The following CDH1 variants were observed in gnomAD, a reference collection of about 807,000 sequenced individuals.
The protein encoded by CDH1 is cadherin 1.
CDH1 carries 35 observed loss-of-function variants against 84.5 expected under a neutral mutation model. The observed-to-expected ratio is 0.41, with a 90% CI of 0.32 to 0.55. The LOEUF is 0.55. Ranked by LOEUF, CDH1 falls within the 20% of genes least tolerant of loss-of-function variation. The probability of loss-of-function intolerance (pLI) is 0.19; values close to 1 mark genes in which losing one functional copy is unlikely to be tolerated. For synonymous variants in CDH1, 417 were observed against 439.0 expected, an observed-to-expected ratio of 0.95 and a Z score of 0.63; for missense variants, 994 against 1,126.6, an observed-to-expected ratio of 0.88 and a Z score of 1.68.
intron 2 of CDH1, among the ~76,000 whole-genome samples, chr16:68,765,963 C>G (rs1959368368): frequency 6.6e-6 from 1 of 152,064 alleles, no homozygotes; most frequent in Admixed American, 6.5e-5. Context: ...ATCACCCCTA[C>G]TATAATTTTA....
At chr16:68,776,317 G>A (rs181891591) in intron 2 of CDH1, among the ~76,000 whole-genome samples, 39 of 152,274 alleles carry the variant, frequency 2.6e-4, no homozygotes, top group Non-Finnish European at 3.5e-4. Flanking sequence ...GTAGTAGCAG[G>A]TAACAAGCAT....
chr16:68,750,658 G>C (rs1452819040), intron 2 of CDH1, among the ~76,000 whole-genome samples: 2 of 151,050 alleles, frequency 1.3e-5, no homozygotes, highest in Non-Finnish European at 2.9e-5. Context: ...AAGAGCACCT[G>C]ATTCTGTGGT....
At chr16:68,774,559 G>A (rs989077979) in intron 2 of CDH1, among the ~76,000 whole-genome samples, 3 of 152,048 alleles carry the variant, frequency 2.0e-5, no homozygotes, top group Non-Finnish European at 2.9e-5. Context: ...GTACAGCCTG[G>A]ACCCTTTGCA....
chr16:68,783,386 CT>C (rs1959937737), intron 2 of CDH1, among the ~76,000 whole-genome samples: 1 of 120,466 alleles, frequency 8.3e-6, no homozygotes, highest in Admixed American at 9.2e-5. Context: ...GACAGAGTAT[CT>C]CAAAAAAAAA....
intron 2 of CDH1, among the ~76,000 whole-genome samples, chr16:68,801,172 C>T (rs573404987): frequency 3.3e-5 from 5 of 152,210 alleles, no homozygotes; most frequent in East Asian, 1.9e-4. Flanking sequence ...AGTGCAGTGG[C>T]GCAATCTCAG....
chr16:68,766,518 T>C (rs566010801), intron 2 of CDH1, among the ~76,000 whole-genome samples: 56 of 152,282 alleles, frequency 3.7e-4, no homozygotes, highest in African/African-American at 1.3e-3. Context: ...TAGAACCTAC[T>C]TCATAAGGTT....
At chr16:68,784,116 C>T (rs1347641522) in intron 2 of CDH1, among the ~76,000 whole-genome samples, 2 of 152,116 alleles carry the variant, frequency 1.3e-5, no homozygotes, top group Non-Finnish European at 2.9e-5. Context: ...TGCCCTGATG[C>T]AATGTGTGAG....
chr16:68,806,682 T>C lies in CDH1; in HGVS notation c.388-1742T>C, dbSNP rs1960670295. ...AGATAGGTTCTAATATTATCCCCAT[T>C]TCAGACATTAGGAAGCTGTAATACA... is the stretch of plus-strand genomic sequence containing the variant. On this transcript the variant is annotated intron_variant, in intron 3 of 15. Transcript: ENST00000261769. 3.3e-5 allele frequency among the ~76,000 whole-genome samples: 5 copies of C among 152,144 alleles called. 1 individual carries two copies. The South Asian group carries it at 1.0e-3, about 32-fold the overall frequency.
At chr16:68,738,258 C>T (rs1962452511) in intron 1 of CDH1, 39 bp from the exon 2 acceptor site, 1 of 1,344,936 alleles carries the variant, frequency 7.4e-7, no homozygotes, top group African/African-American at 1.4e-5. Context: ...AGGGAACCCT[C>T]CGAGTCACCC....
At chr16:68,780,954 G>T (rs557169167) in intron 2 of CDH1, among the ~76,000 whole-genome samples, 2 of 152,226 alleles carry the variant, frequency 1.3e-5, no homozygotes, top group African/African-American at 4.8e-5. Context: ...GCTCAATGCG[G>T]CTACTGTGTA....
At chr16:68,776,276 C>T (rs1050692625) in intron 2 of CDH1, among the ~76,000 whole-genome samples, 3 of 152,150 alleles carry the variant, frequency 2.0e-5, no homozygotes, top group South Asian at 2.1e-4. Flanking sequence ...TGTGAGCCAC[C>T]GCACCAGGCC....
chr16:68,810,172 A>G (rs747621972), intron 5 of CDH1, 25 bp from the exon 6 acceptor site: 2 of 1,613,948 alleles, frequency 1.2e-6, no homozygotes, highest in Non-Finnish European at 1.7e-6. Context: ...TCAGAGCTCA[A>G]GTCACCCTCA....
intron 2 of CDH1, among the ~76,000 whole-genome samples, chr16:68,766,517 C>A (rs1959393300): frequency 6.6e-6 from 1 of 152,036 alleles, no homozygotes; most frequent in Admixed American, 6.6e-5. Flanking sequence ...GTAGAACCTA[C>A]TTCATAAGGT....
intron 2 of CDH1, among the ~76,000 whole-genome samples, chr16:68,790,055 T>TCAAAAACAAAAA (rs1039149054): frequency 2.6e-5 from 4 of 151,978 alleles, no homozygotes; most frequent in Non-Finnish European, 4.4e-5. Flanking sequence ...AAACTCCATC[T>TCAAAAACAAAAA]CAAAAACAAA....
rs530064181 is a variant in CDH1 at position 68,783,398 on chromosome 16, A to G, written c.164-18272A>G. On this transcript the variant is annotated intron_variant, in intron 2 of 15. Transcript: ENST00000261769. ...GGTGACAGAGTATCTCAAAAAAAAA[A>G]AAAAAAGAAAAAAGAAAAAAAGAAA... 8.2e-4 allele frequency among the ~76,000 whole-genome samples: 113 copies of G among 137,526 alleles called. 1 individual carries two copies. The highest frequency in any genetic ancestry group is 8.1e-3 in the South Asian group (35 of 4,340). 90.2% of individuals were successfully genotyped at this position (137,526 alleles called of 152,430 possible).
chr16:68,813,092 C>T (rs34297982), intron 8 of CDH1, among the ~76,000 whole-genome samples: 6 of 152,028 alleles, frequency 3.9e-5, no homozygotes. Context: ...TGGTGCATGC[C>T]TGTGGTCCCA....
At chr16:68,745,549 A>AAAAATATATATATATATGTAT (rs1555510453) in intron 2 of CDH1, among the ~76,000 whole-genome samples, 1 of 75,182 alleles carries the variant, frequency 1.3e-5, no homozygotes, top group African/African-American at 5.5e-5. Context: ...AAAAAAAAAA[A>AAAAATATATATATATATGTAT]ATATATATAT....
At chr16:68,772,821 G>A (rs1370805502) in intron 2 of CDH1, among the ~76,000 whole-genome samples, 1 of 152,126 alleles carries the variant, frequency 6.6e-6, no homozygotes, top group Admixed American at 6.6e-5. Context: ...CAGCTACCCA[G>A]AAGGCTGAGG....
intron 2 of CDH1, among the ~76,000 whole-genome samples, chr16:68,767,002 C>A (rs1959410040): frequency 6.6e-6 from 1 of 151,874 alleles, no homozygotes; most frequent in Admixed American, 6.6e-5. Flanking sequence ...GCTGGGATTA[C>A]AGGTGTGAGC....
Sources: allele counts gnomAD v4.1 joint callset (sites outside exome capture counted in the v4.1 genomes callset), GRCh38; gene constraint gnomAD v4.1.1; transcripts MANE v1.5; gene names NCBI Gene and HGNC (gene_info 2026-07-23, HGNC 2026-07-21).